Variants in GRIN2B observed in about 807,000 individuals in gnomAD.
GRIN2B encodes the protein glutamate receptor ionotropic, NMDA 2B.
A neutral mutation model predicts 114.5 loss-of-function variants in GRIN2B; 5 were observed. That is an observed-to-expected ratio of 0.04 (90% CI 0.02 to 0.09). The LOEUF is 0.09. Among genes scored for constraint, GRIN2B ranks in the 10% least tolerant of loss-of-function variants. The pLI is 1.00. For missense variants in GRIN2B, 1,108 were observed against 1,943.5 expected (o/e 0.57, Z 8.08); for synonymous variants, 787 against 745.1 (o/e 1.06, Z -0.92).
Position 13,539,049 on chromosome 12 carries a change from CT to C in GRIN2B, c.*23733del, listed in dbSNP as rs1948245758. 1 of 152,204 alleles carries C rather than the reference CT, an allele frequency of 6.6e-6. No homozygotes were observed. The highest frequency in any genetic ancestry group is 1.5e-5 in the Non-Finnish European group (1 of 68,044). The allele number at this position is 152,204 out of a possible 1,614,324, so 9.4% of individuals were successfully genotyped here. On this transcript the variant is annotated 3_prime_UTR_variant, in exon 14 of 14. Coordinates refer to ENST00000609686, the MANE Select transcript of GRIN2B (RefSeq NM_000834.5). ...GAGAATCACTATATCTGGGAAGAATCTGGCTTTATGTTAGAGCTTGCTACTT... is the reference window on the plus strand; with the variant it reads ...GAGAATCACTATATCTGGGAAGAATCGGCTTTATGTTAGAGCTTGCTACTT...
chr12:13,654,876 G>A (rs891194203), intron 5 of GRIN2B, among the ~76,000 whole-genome samples: 1 of 152,008 alleles, frequency 6.6e-6, no homozygotes, highest in Admixed American at 6.6e-5. Flanking sequence ...CTCAGGGTGA[G>A]GATAATATTC....
At chr12:13,818,680 A>C (rs1864874193) in intron 3 of GRIN2B, among the ~76,000 whole-genome samples, 1 of 152,248 alleles carries the variant, frequency 6.6e-6, no homozygotes, top group Admixed American at 6.5e-5. Flanking sequence ...AGTTTTAAGA[A>C]GAGAACATCC....
intron 5 of GRIN2B, among the ~76,000 whole-genome samples, chr12:13,653,927 A>G (rs1227402038): frequency 6.6e-6 from 1 of 152,078 alleles, no homozygotes; most frequent in African/African-American, 2.4e-5. Flanking sequence ...GTTCACACTA[A>G]AATTTCTATT....
chr12:13,951,690 C>T (rs1267206375), intron 2 of GRIN2B, among the ~76,000 whole-genome samples: 1 of 152,184 alleles, frequency 6.6e-6, no homozygotes, highest in Non-Finnish European at 1.5e-5. Context: ...ACTCACCACA[C>T]AAAATATGAT....
chr12:13,691,673 G>C (rs1193964104), intron 4 of GRIN2B, among the ~76,000 whole-genome samples: 1 of 152,174 alleles, frequency 6.6e-6, no homozygotes, highest in Non-Finnish European at 1.5e-5. Flanking sequence ...CAATTACAAA[G>C]GGGGTTGGGG....
At chr12:13,728,758 T>C (rs1029787540) in intron 4 of GRIN2B, among the ~76,000 whole-genome samples, 4 of 152,190 alleles carry the variant, frequency 2.6e-5, no homozygotes, top group African/African-American at 9.7e-5. Flanking sequence ...GGTGGATGGA[T>C]GCACAGAGGG....
chr12:13,771,586 T>G (rs913115392), intron 3 of GRIN2B, among the ~76,000 whole-genome samples: 1 of 152,158 alleles, frequency 6.6e-6, no homozygotes, highest in African/African-American at 2.4e-5. Flanking sequence ...AACCTCATTT[T>G]CCTCCAGAAT....
intron 3 of GRIN2B, among the ~76,000 whole-genome samples, chr12:13,772,716 A>C (rs930331971): frequency 3.9e-5 from 6 of 152,172 alleles, no homozygotes; most frequent in African/African-American, 7.2e-5. Context: ...GAAATTCTGA[A>C]TATCTGAATC....
At chr12:13,609,939 A>C (rs1296119146) in intron 9 of GRIN2B, 1 of 152,130 alleles carries the variant, frequency 6.6e-6, no homozygotes, top group Non-Finnish European at 1.5e-5. Flanking sequence ...ATGTATTGTG[A>C]CCTCACTGCA....
chr12:13,588,004 G>A (rs1948954249), intron 10 of GRIN2B, among the ~76,000 whole-genome samples: 1 of 152,220 alleles, frequency 6.6e-6, no homozygotes, highest in African/African-American at 2.4e-5. Context: ...ATGCAAATTA[G>A]AGGGAAACAG....
intron 4 of GRIN2B, among the ~76,000 whole-genome samples, chr12:13,682,207 T>C (rs1950137234): frequency 6.6e-6 from 1 of 152,202 alleles, no homozygotes. Context: ...GGCAAGATTA[T>C]TACAATCTGG....
Position 13,538,501 on chromosome 12 carries a change from C to T in GRIN2B, c.*24282G>A, listed in dbSNP as rs1216641044. On this transcript the variant is annotated 3_prime_UTR_variant, in exon 14 of 14. Coordinates refer to ENST00000609686, the MANE Select transcript of GRIN2B (RefSeq NM_000834.5). ...GTTCCCACCATAATCCAGATAAATACTCGCAAGCTTCCTTATTTAAAACTA... is the reference window on the plus strand; with the variant it reads ...GTTCCCACCATAATCCAGATAAATATTCGCAAGCTTCCTTATTTAAAACTA... 1 of 152,292 alleles carries T rather than the reference C, an allele frequency of 6.6e-6. No individual in the cohort carries two copies. The highest frequency in any genetic ancestry group is 1.9e-4 in the East Asian group (1 of 5,184). The allele number at this position is 152,292 out of a possible 1,614,324, so 9.4% of individuals were successfully genotyped here.
At chr12:13,717,464 T>G (rs1372704871) in intron 4 of GRIN2B, among the ~76,000 whole-genome samples, 1 of 151,950 alleles carries the variant, frequency 6.6e-6, no homozygotes, top group Non-Finnish European at 1.5e-5. Flanking sequence ...TTAAATGGCC[T>G]AAGAACTACC....
At chr12:13,855,757 T>G (rs567986784) in intron 3 of GRIN2B, among the ~76,000 whole-genome samples, 1 of 152,292 alleles carries the variant, frequency 6.6e-6, no homozygotes, top group African/African-American at 2.4e-5. Context: ...GTTAATTACA[T>G]CTGCAAAGAC....
intron 5 of GRIN2B, among the ~76,000 whole-genome samples, chr12:13,645,398 T>C (rs185224902): frequency 2.0e-5 from 3 of 152,150 alleles, no homozygotes; most frequent in East Asian, 3.9e-4. Flanking sequence ...AGTAGTAACA[T>C]CAAAGATCAC....
At chr12:13,964,214 C>T (rs966575573) in intron 2 of GRIN2B, among the ~76,000 whole-genome samples, 18 of 152,180 alleles carry the variant, frequency 1.2e-4, no homozygotes, top group Non-Finnish European at 2.4e-4. Context: ...GTCACGTTGG[C>T]TCACCCGTGT....
chr12:13,830,325 CA>C (rs990345480), intron 3 of GRIN2B, among the ~76,000 whole-genome samples: 6 of 152,198 alleles, frequency 3.9e-5, no homozygotes, highest in African/African-American at 1.2e-4. Flanking sequence ...AAAACTGAAA[CA>C]AATAAGGTTA....
intron 10 of GRIN2B, among the ~76,000 whole-genome samples, chr12:13,595,884 A>C (rs538346785): frequency 2.0e-5 from 3 of 152,222 alleles, no homozygotes; most frequent in African/African-American, 7.2e-5. Context: ...AGAAAAGCAG[A>C]AAATTGCTCA....
At chr12:13,755,776 C>T (rs541276368) in intron 3 of GRIN2B, among the ~76,000 whole-genome samples, 3 of 152,284 alleles carry the variant, frequency 2.0e-5, no homozygotes, top group South Asian at 4.1e-4. Context: ...CAAATTCATA[C>T]GTTGAAATCC....
Sources: gnomAD v4.1 joint callset for allele counts (sites outside exome capture counted in the v4.1 genomes callset) on GRCh38, gnomAD v4.1.1 for gene constraint, MANE v1.5 for transcripts, NCBI Gene and HGNC (gene_info 2026-07-23, HGNC 2026-07-21) for gene names.